Variants in LRRC4C observed in about 807,000 individuals in gnomAD.
LRRC4C encodes the protein leucine-rich repeat-containing protein 4C.
Under a neutral mutation model 33.6 loss-of-function variants are expected in LRRC4C, and 5 were observed. The ratio of observed to expected loss-of-function variants is 0.15; its 90% CI spans 0.08 to 0.31. The LOEUF is 0.31. LRRC4C is among the 10% of genes least tolerant of loss of function. LRRC4C has a pLI of 1.00. For synonymous variants in LRRC4C, 329 were observed against 302.0 expected (o/e 1.09, Z -0.93); for missense variants, 560 against 796.7 (o/e 0.70, Z 3.58).
chr11:40,501,349 T>G (rs952362318), intron 3 of LRRC4C, among the ~76,000 whole-genome samples: 9 of 152,188 alleles, frequency 5.9e-5, no homozygotes, highest in Non-Finnish European at 1.3e-4. Context: ...AGCACCCCAG[T>G]GGGGACTCTG....
At chr11:41,315,771 T>G (rs931473345) in intron 1 of LRRC4C, among the ~76,000 whole-genome samples, 1 of 152,146 alleles carries the variant, frequency 6.6e-6, no homozygotes, top group African/African-American at 2.4e-5. Flanking sequence ...ATAGCTGACA[T>G]GAGAAAACAA....
At chr11:41,142,207 G>C (rs1590733862) in intron 1 of LRRC4C, among the ~76,000 whole-genome samples, 1 of 152,114 alleles carries the variant, frequency 6.6e-6, no homozygotes, top group African/African-American at 2.4e-5. Context: ...AGGCATAGTA[G>C]ATTCTTTCAT....
Position 41,123,296 on chromosome 11 carries a change from G to A in LRRC4C, c.-495-189573C>T, listed in dbSNP as rs542323357. 3.0e-3 allele frequency among the ~76,000 whole-genome samples: 331 copies of A among 110,654 alleles called. 1 individual carries two copies. The highest frequency in any genetic ancestry group is 0.013 in the African/African-American group (312 of 23,430). The allele number at this position is 110,654 out of a possible 152,430, so 72.6% of individuals were successfully genotyped here. On this transcript the variant is annotated intron_variant, in intron 1 of 6. Coordinates refer to ENST00000528697, the MANE Select transcript of LRRC4C (RefSeq NM_001258419.2). ...TTTTTTTTTTTTTTTTTTTTGAGAC[G>A]GAGTCTCGCTCTGTCGCCCAGGCTG...
intron 1 of LRRC4C, among the ~76,000 whole-genome samples, chr11:41,127,837 A>C (rs1463255508): frequency 6.6e-6 from 1 of 152,108 alleles, no homozygotes; most frequent in Non-Finnish European, 1.5e-5. Flanking sequence ...GGCTCATAAC[A>C]AGACAGACGT....
chr11:41,007,803 T>G (rs1854873906), intron 1 of LRRC4C, among the ~76,000 whole-genome samples: 1 of 152,158 alleles, frequency 6.6e-6, no homozygotes, highest in African/African-American at 2.4e-5. Context: ...CTAGTCATAA[T>G]CTCTTCCTGA....
intron 1 of LRRC4C, among the ~76,000 whole-genome samples, chr11:40,994,204 C>G (rs1219507649): frequency 6.6e-6 from 1 of 152,066 alleles, no homozygotes; most frequent in Non-Finnish European, 1.5e-5. Flanking sequence ...GTTCTTCTTT[C>G]ATAAAATTCA....
chr11:41,320,915 G>T (rs539464514), intron 1 of LRRC4C, among the ~76,000 whole-genome samples: 1 of 152,098 alleles, frequency 6.6e-6, no homozygotes, highest in African/African-American at 2.4e-5. Context: ...TCTGTTCCAG[G>T]CTACTAAGCA....
intron 6 of LRRC4C, among the ~76,000 whole-genome samples, chr11:40,121,047 A>G (rs556899195): frequency 6.6e-6 from 1 of 152,310 alleles, no homozygotes; most frequent in East Asian, 1.9e-4. Flanking sequence ...ATGCATATTA[A>G]AAATAAAGTG....
chr11:40,585,392 A>T (rs1958675943), intron 3 of LRRC4C, among the ~76,000 whole-genome samples: 1 of 152,200 alleles, frequency 6.6e-6, no homozygotes, highest in Non-Finnish European at 1.5e-5. Context: ...CCAGTGAGAA[A>T]CTAAGTAATA....
chr11:40,545,980 C>T (rs962640997), intron 3 of LRRC4C, among the ~76,000 whole-genome samples: 4 of 151,966 alleles, frequency 2.6e-5, no homozygotes, highest in Non-Finnish European at 4.4e-5. Context: ...TAATAGCCCT[C>T]TTGAAATTTT....
rs377559770 is a variant in LRRC4C at position 41,051,407 on chromosome 11, C to G, written c.-495-117684G>C. Among the ~76,000 whole-genome samples the G allele has an allele frequency of 3.1e-4, 47 of 151,198 alleles. No homozygotes were observed. In the South Asian group the frequency reaches 3.3e-3, roughly 11 times the overall value. On this transcript the variant is annotated intron_variant, in intron 1 of 6. Transcript: ENST00000528697. ...GAGCAAAGGTAATTCTACTTTACATCTGATGTGTAAATTGCTGTAGTAATC... is the reference window on the plus strand; with the variant it reads ...GAGCAAAGGTAATTCTACTTTACATGTGATGTGTAAATTGCTGTAGTAATC...
intron 3 of LRRC4C, among the ~76,000 whole-genome samples, chr11:40,444,348 T>A (rs904397783): frequency 3.3e-5 from 5 of 150,286 alleles, no homozygotes; most frequent in Non-Finnish European, 7.4e-5. Flanking sequence ...TTATTTTATT[T>A]TTTATTTTTC....
intron 1 of LRRC4C, among the ~76,000 whole-genome samples, chr11:41,005,717 C>T (rs1028684107): frequency 6.6e-6 from 1 of 152,166 alleles, no homozygotes; most frequent in Non-Finnish European, 1.5e-5. Flanking sequence ...GCCATTATTG[C>T]AAGTTTCCTG....
intron 3 of LRRC4C, among the ~76,000 whole-genome samples, chr11:40,405,388 C>A (rs748781579): frequency 2.0e-5 from 3 of 151,876 alleles, no homozygotes; most frequent in African/African-American, 4.8e-5. Context: ...GTAATCCCAG[C>A]GCTTTGGGAA....
intron 1 of LRRC4C, among the ~76,000 whole-genome samples, chr11:41,432,694 T>C (rs889343500): frequency 2.0e-5 from 3 of 151,962 alleles, no homozygotes; most frequent in Non-Finnish European, 4.4e-5. Context: ...AGTCTCCCTA[T>C]AGGATACTGT....
chr11:40,766,353 T>TAAAAAAAAAAAAAAAAA (rs60152534), intron 2 of LRRC4C, among the ~76,000 whole-genome samples: 10 of 33,916 alleles, frequency 2.9e-4, no homozygotes, highest in African/African-American at 9.6e-4. Context: ...TTCAGTCTGT[T>TAAAAAAAAAAAAAAAAA]AAAAAAAAAA....
intron 1 of LRRC4C, among the ~76,000 whole-genome samples, chr11:41,390,572 T>G (rs944100938): frequency 1.4e-4 from 21 of 151,922 alleles, no homozygotes; most frequent in African/African-American, 4.8e-4. Context: ...ATCCTTTACC[T>G]AGAATACATT....
At chr11:40,407,204 AG>A (rs1205266556) in intron 3 of LRRC4C, among the ~76,000 whole-genome samples, 26 of 152,196 alleles carry the variant, frequency 1.7e-4, no homozygotes, top group South Asian at 6.2e-4. Context: ...CATTTCTCTT[AG>A]CCTCCAAAAC....
chr11:41,254,402 A>G (rs4237684), intron 1 of LRRC4C, among the ~76,000 whole-genome samples: 151,709 of 152,106 alleles, frequency 1, 75,657 homozygotes, highest in East Asian at 1. Context: ...AATTCCTGAA[A>G]TATTGTTTAG....
Sources: allele counts gnomAD v4.1 joint callset (sites outside exome capture counted in the v4.1 genomes callset), GRCh38; gene constraint gnomAD v4.1.1; transcripts MANE v1.5; gene names NCBI Gene and HGNC (gene_info 2026-07-23, HGNC 2026-07-21).